RAB31: variants seen among roughly 807,000 people sequenced by gnomAD.
The protein encoded by RAB31 is RAB31, member RAS oncogene family, also known as ras-related protein Rab-31.
RAB31 carries 21 observed loss-of-function variants against 25.6 expected under a neutral mutation model. The observed-to-expected ratio is 0.82, with a 90% CI of 0.58 to 1.18. The LOEUF is 1.18. RAB31 is among the 50% of genes most tolerant of loss of function. The pLI is 0.00. For missense variants in RAB31, 196 were observed against 250.1 expected (o/e 0.78, Z 1.46); for synonymous variants, 87 against 84.0 (o/e 1.04, Z -0.20).
At chr18:9,807,695 G>A in intron 3 of RAB31, among the ~76,000 whole-genome samples, 1 of 152,012 alleles carries the variant, frequency 6.6e-6, no homozygotes, top group East Asian at 1.9e-4. Context: ...CTAATCCAGC[G>A]GGGTGCAGTG....
chr18:9,796,336 C>T (rs927713768), intron 3 of RAB31, among the ~76,000 whole-genome samples: 3 of 152,084 alleles, frequency 2.0e-5, no homozygotes, highest in African/African-American at 7.2e-5. Flanking sequence ...AGAGAATTTA[C>T]TCTTGTAAGC....
At chr18:9,813,409 G>A (rs2068584939) in intron 3 of RAB31, among the ~76,000 whole-genome samples, 1 of 152,160 alleles carries the variant, frequency 6.6e-6, no homozygotes, top group South Asian at 2.1e-4. Context: ...TTATATTAGA[G>A]AAATGATGAG....
chr18:9,712,388 A>T (rs1281865986), intron 1 of RAB31, among the ~76,000 whole-genome samples: 1 of 152,238 alleles, frequency 6.6e-6, no homozygotes, highest in Non-Finnish European at 1.5e-5. Flanking sequence ...TCAGCCGTGC[A>T]GGAGGGTGTG....
chr18:9,768,710 A>T (rs1008073160), intron 1 of RAB31, among the ~76,000 whole-genome samples: 3 of 152,092 alleles, frequency 2.0e-5, no homozygotes, highest in Non-Finnish European at 2.9e-5. Flanking sequence ...ATTAGCTCTC[A>T]TTTGTCAACT....
chr18:9,764,416 C>T (rs2068304810), intron 1 of RAB31, among the ~76,000 whole-genome samples: 1 of 152,148 alleles, frequency 6.6e-6, no homozygotes, highest in Non-Finnish European at 1.5e-5. Flanking sequence ...GAACAGTGCA[C>T]TGGATATGGG....
intron 1 of RAB31, among the ~76,000 whole-genome samples, chr18:9,717,197 C>T (rs548149699): frequency 4.6e-5 from 7 of 152,160 alleles, no homozygotes; most frequent in African/African-American, 7.2e-5. Flanking sequence ...CTCCTGCTTC[C>T]GAAAAGTCGG....
At chr18:9,747,305 C>T (rs886113290) in intron 1 of RAB31, among the ~76,000 whole-genome samples, 9 of 152,142 alleles carry the variant, frequency 5.9e-5, no homozygotes, top group Non-Finnish European at 1.2e-4. Flanking sequence ...ATGGTCCAGT[C>T]TCTGTGGAAA....
At chr18:9,756,738 C>T (rs150688839) in intron 1 of RAB31, among the ~76,000 whole-genome samples, 8 of 152,276 alleles carry the variant, frequency 5.3e-5, no homozygotes, top group East Asian at 3.9e-4. Flanking sequence ...ATGCTTGGCA[C>T]GTAGTAGGTG....
At chr18:9,778,654 A>G (rs1343914641) in intron 2 of RAB31, among the ~76,000 whole-genome samples, 2 of 152,104 alleles carry the variant, frequency 1.3e-5, no homozygotes, top group African/African-American at 4.8e-5. Context: ...TATTTTTAGT[A>G]GGAACGGGGT....
chr18:9,782,767 G>C (rs1027029934), intron 2 of RAB31, among the ~76,000 whole-genome samples: 1 of 152,116 alleles, frequency 6.6e-6, no homozygotes, highest in Non-Finnish European at 1.5e-5. Flanking sequence ...CGCAATCATG[G>C]CTCACTGCAG....
At chr18:9,770,934 C>T (rs1189952551) in intron 1 of RAB31, among the ~76,000 whole-genome samples, 9 of 150,238 alleles carry the variant, frequency 6.0e-5, no homozygotes, top group South Asian at 2.1e-4. Flanking sequence ...AGGCTGAGGC[C>T]GGAGGATCAT....
intron 5 of RAB31, among the ~76,000 whole-genome samples, chr18:9,842,636 G>T (rs1303476612): frequency 6.6e-6 from 1 of 152,138 alleles, no homozygotes; most frequent in Non-Finnish European, 1.5e-5. Flanking sequence ...GATGGAGTAG[G>T]CTCCTGCCCC....
intron 6 of RAB31, among the ~76,000 whole-genome samples, chr18:9,848,837 T>A (rs1026587774): frequency 6.6e-6 from 1 of 152,258 alleles, no homozygotes; most frequent in Non-Finnish European, 1.5e-5. Context: ...AGTCCCATAG[T>A]GTTCATAAAC....
chr18:9,814,374 A>G (rs1361399901), intron 4 of RAB31, among the ~76,000 whole-genome samples: 1 of 152,230 alleles, frequency 6.6e-6, no homozygotes, highest in Admixed American at 6.5e-5. Flanking sequence ...TAATTTCTGC[A>G]TGCTTTATAA....
At chr18:9,814,197 C>A in intron 4 of RAB31, 106 bp downstream of exon 4, 2 of 760,756 alleles carry the variant, frequency 2.6e-6, no homozygotes, top group Non-Finnish European at 2.2e-6. Flanking sequence ...TAGCGTGCCA[C>A]TATATATTGA....
intron 1 of RAB31, among the ~76,000 whole-genome samples, chr18:9,764,986 G>A (rs1165566496): frequency 2.0e-5 from 3 of 150,996 alleles, no homozygotes; most frequent in East Asian, 3.9e-4. Flanking sequence ...ACAGAGTCTC[G>A]CTCCATTACC....
intron 1 of RAB31, among the ~76,000 whole-genome samples, chr18:9,737,233 T>C (rs1271176001): frequency 6.6e-6 from 1 of 152,156 alleles, no homozygotes; most frequent in East Asian, 1.9e-4. Flanking sequence ...GTCTTTTTTG[T>C]CAGCATAGCT....
At chr18:9,802,011 C>CT (rs2068516236) in intron 3 of RAB31, among the ~76,000 whole-genome samples, 1 of 152,200 alleles carries the variant, frequency 6.6e-6, no homozygotes, top group Non-Finnish European at 1.5e-5. Context: ...ATTCTGGACT[C>CT]TGAGTTCTAT....
intron 5 of RAB31, among the ~76,000 whole-genome samples, chr18:9,819,272 C>T (rs2068613962): frequency 6.6e-6 from 1 of 152,154 alleles, no homozygotes; most frequent in Non-Finnish European, 1.5e-5. Flanking sequence ...GGTCCAAATT[C>T]ATCTTTTGCC....
Sources: allele counts gnomAD v4.1 joint callset (sites outside exome capture counted in the v4.1 genomes callset), GRCh38; gene constraint gnomAD v4.1.1; transcripts MANE v1.5; gene names NCBI Gene and HGNC (gene_info 2026-07-23, HGNC 2026-07-21).